Variants in MME observed in about 807,000 individuals in gnomAD.
MME encodes membrane metalloendopeptidase.
MME carries 98 observed loss-of-function variants against 113.2 expected under a neutral mutation model. The observed-to-expected ratio is 0.87, with a 90% CI of 0.74 to 1.02. The LOEUF (loss-of-function observed/expected upper bound fraction) is 1.02. Ranked by LOEUF, MME falls within the 50% of genes least tolerant of loss-of-function variation. MME has a pLI of 0.00. For synonymous variants in MME, 292 were observed against 300.6 expected (o/e 0.97, Z 0.30); for missense variants, 836 against 896.0 (o/e 0.93, Z 0.86).
chr3:155,159,012 T>C (rs1287566609), intron 16 of MME: 2 of 152,074 alleles, frequency 1.3e-5, no homozygotes, highest in Non-Finnish European at 2.9e-5. Flanking sequence ...AAATGTTAAC[T>C]AAATTTTTTT....
At chr3:155,063,331 A>G (rs1387588645) in intron 1 of MME, among the ~76,000 whole-genome samples, 3 of 111,256 alleles carry the variant, frequency 2.7e-5, no homozygotes, top group Non-Finnish European at 4.9e-5. Context: ...TAATATATAT[A>G]AATATATAAT....
intron 16 of MME, among the ~76,000 whole-genome samples, chr3:155,152,606 C>T (rs565993633): frequency 6.6e-6 from 1 of 152,146 alleles, no homozygotes; most frequent in South Asian, 2.1e-4. Context: ...TTTGGGAGGT[C>T]AAGGTGGGCG....
intron 1 of MME, among the ~76,000 whole-genome samples, chr3:155,035,127 A>T (rs1304166987): frequency 6.6e-6 from 1 of 152,082 alleles, no homozygotes; most frequent in Non-Finnish European, 1.5e-5. Context: ...CATACCAAAA[A>T]GGGAGAAAAG....
chr3:155,094,347 C>T (rs1303515216), intron 3 of MME, among the ~76,000 whole-genome samples: 1 of 152,170 alleles, frequency 6.6e-6, no homozygotes, highest in African/African-American at 2.4e-5. Context: ...GAAAGTGTCT[C>T]ATTTTACAGG....
chr3:155,057,949 T>A (rs1436602358), intron 1 of MME, among the ~76,000 whole-genome samples: 1 of 152,170 alleles, frequency 6.6e-6, no homozygotes, highest in African/African-American at 2.4e-5. Flanking sequence ...GTTGTTGTTT[T>A]AAACTTATTA....
At chr3:155,167,915 C>T (rs867514398) in intron 18 of MME, among the ~76,000 whole-genome samples, 11 of 152,020 alleles carry the variant, frequency 7.2e-5, no homozygotes, top group East Asian at 3.9e-4. Flanking sequence ...TTAATCACTA[C>T]GTCATAGGCA....
In MME at chr3:155,138,240, A is replaced by G. The variant is rs769401228; in HGVS notation, c.855+4A>G. On this transcript the variant is annotated splice_donor_region_variant and intron_variant, in intron 9 of 22. Coordinates refer to ENST00000360490, the MANE Select transcript of MME (RefSeq NM_007289.4). ...ATTGGAAAAAGAAATTGCCAATGTAAAACACATTTTTTTTTCTGATACACT... is the reference window on the plus strand; with the variant it reads ...ATTGGAAAAAGAAATTGCCAATGTAGAACACATTTTTTTTTCTGATACACT... The G allele has an allele frequency of 1.2e-6, 2 of 1,613,362 alleles. No individual in the cohort carries two copies. The highest frequency in any genetic ancestry group is 1.7e-6 in the Non-Finnish European group (2 of 1,179,512).
chr3:155,182,272 ATG>A lies in MME; in HGVS notation c.*1815_*1816del, dbSNP rs1215325370. The A allele has an allele frequency of 6.6e-6, 1 of 152,168 alleles. No individual in the cohort carries two copies. The highest frequency in any genetic ancestry group is 1.5e-5 in the Non-Finnish European group (1 of 68,022). 9.4% of individuals were successfully genotyped at this position (152,168 alleles called of 1,614,324 possible). ...ATCTTTTCATTCTCATTGCAGAATA[ATG>A]TTCTATTGTGGGACTTATTACAATT... On this transcript the variant is annotated 3_prime_UTR_variant, in exon 23 of 23. Transcript: ENST00000360490.
At chr3:155,101,647 C>G (rs1279446987) in intron 3 of MME, among the ~76,000 whole-genome samples, 1 of 152,154 alleles carries the variant, frequency 6.6e-6, no homozygotes, top group Admixed American at 6.5e-5. Flanking sequence ...AACCTCATGA[C>G]CTTTTGCCAG....
chr3:155,064,857 T>C (rs538842606), intron 1 of MME, among the ~76,000 whole-genome samples: 1 of 152,310 alleles, frequency 6.6e-6, no homozygotes, highest in East Asian at 1.9e-4. Flanking sequence ...CCTTGACTCT[T>C]CTAGCTTCTG....
intron 3 of MME, among the ~76,000 whole-genome samples, chr3:155,113,091 C>CA (rs1361232516): frequency 6.6e-6 from 1 of 151,970 alleles, no homozygotes; most frequent in Non-Finnish European, 1.5e-5. Flanking sequence ...GAAAGAATGA[C>CA]AGGGGCAATC....
At chr3:155,114,199 A>ATT (rs1718410030) in intron 3 of MME, among the ~76,000 whole-genome samples, 1 of 152,124 alleles carries the variant, frequency 6.6e-6, no homozygotes, top group Non-Finnish European at 1.5e-5. Context: ...CAGGAGCAGA[A>ATT]TTTTCTCTGT....
At chr3:155,097,648 T>C (rs1222027382) in intron 3 of MME, among the ~76,000 whole-genome samples, 1 of 152,204 alleles carries the variant, frequency 6.6e-6, no homozygotes, top group Non-Finnish European at 1.5e-5. Flanking sequence ...CCCCCTTTTA[T>C]TTAATACTAG....
At chr3:155,044,446 A>G (rs1713476194) in intron 1 of MME, among the ~76,000 whole-genome samples, 1 of 151,882 alleles carries the variant, frequency 6.6e-6, no homozygotes, top group Non-Finnish European at 1.5e-5. Flanking sequence ...TTGTTTTTCT[A>G]ACATTTATTG....
At chr3:155,083,801 A>C (rs1363064466) in intron 1 of MME, 1 of 268,122 alleles carries the variant, frequency 3.7e-6, no homozygotes, top group Non-Finnish European at 7.3e-6. Context: ...GGGTGAGTTT[A>C]AAACTTTCTT....
intron 14 of MME, 137 bp downstream of exon 14, chr3:155,144,594 GA>G (rs1222512846): frequency 4.6e-6 from 3 of 647,890 alleles, no homozygotes; most frequent in Non-Finnish European, 8.3e-6. Context: ...AGTGTTTCCA[GA>G]AAGAGTTTTT....
chr3:155,140,087 C>T, intron 9 of MME, 104 bp from the exon 10 acceptor site: 1 of 733,032 alleles, frequency 1.4e-6, no homozygotes, highest in Non-Finnish European at 2.2e-6. Context: ...CAGAATAGGA[C>T]TTAAATTATG....
intron 22 of MME, among the ~76,000 whole-genome samples, chr3:155,173,215 A>G (rs1712175967): frequency 6.6e-6 from 1 of 152,122 alleles, no homozygotes; most frequent in South Asian, 2.1e-4. Context: ...TTTGAATGTT[A>G]AATCATAGAT....
chr3:155,180,491 G>C lies in MME; in HGVS notation c.*32G>C, dbSNP rs772812910. On this transcript the variant is annotated 3_prime_UTR_variant, in exon 23 of 23. Coordinates refer to ENST00000360490, the MANE Select transcript of MME (RefSeq NM_007289.4). ...AAAGAAGCATTGCAGCCCTTGGCTA[G>C]ACTTGCCAACACCACAGAAATGGGG... The C allele has an allele frequency of 6.5e-7, 1 of 1,538,292 alleles. No individual in the cohort carries two copies. Among genetic ancestry groups the C allele is most frequent in the Non-Finnish European group, 9.0e-7 (1 of 1,111,338 alleles).
Sources: gnomAD v4.1 joint callset for allele counts (sites outside exome capture counted in the v4.1 genomes callset) on GRCh38, gnomAD v4.1.1 for gene constraint, MANE v1.5 for transcripts, NCBI Gene and HGNC (gene_info 2026-07-23, HGNC 2026-07-21) for gene names.